RIC8B: variants seen among roughly 807,000 people sequenced by gnomAD.
RIC8B encodes RIC8 guanine nucleotide exchange factor B, also known as chaperone Ric-8B.
RIC8B carries 16 observed loss-of-function variants against 57.5 expected under a neutral mutation model. That is an observed-to-expected ratio of 0.28 (90% CI 0.19 to 0.42). RIC8B has a LOEUF of 0.42. RIC8B is among the 10% of genes least tolerant of loss of function. The pLI is 1.00. For missense variants in RIC8B, 481 were observed against 677.0 expected, an observed-to-expected ratio of 0.71 and a Z score of 3.21; for synonymous variants, 216 against 250.8, an observed-to-expected ratio of 0.86 and a Z score of 1.31.
At position 106,834,304 on chromosome 12, in the gene RIC8B, A is replaced by G. The variant is rs966291535; in HGVS notation, c.837-8285A>G. Among the ~76,000 whole-genome samples the G allele has an allele frequency of 2.6e-5, 4 of 152,176 alleles. No homozygotes were observed. The East Asian group carries it at 5.8e-4, about 22-fold the overall frequency. On this transcript the variant is annotated intron_variant, in intron 4 of 9. Coordinates refer to ENST00000392837, the MANE Select transcript of RIC8B (RefSeq NM_001330145.2). Reference sequence around the variant, plus strand: ...TGCCATTTTCTTATCCTTTGCTTATACTAATTATCTTCAATGTTGGTGTCT... The same window carrying G: ...TGCCATTTTCTTATCCTTTGCTTATGCTAATTATCTTCAATGTTGGTGTCT...
intron 1 of RIC8B, among the ~76,000 whole-genome samples, chr12:106,777,308 A>C (rs1411199609): frequency 6.6e-6 from 1 of 152,174 alleles, no homozygotes; most frequent in East Asian, 1.9e-4. Context: ...ATAGGAAGTG[A>C]ATGTATGATC....
intron 8 of RIC8B, among the ~76,000 whole-genome samples, chr12:106,866,767 T>G (rs901628459): frequency 6.6e-6 from 1 of 152,138 alleles, no homozygotes. Context: ...TAACTTCTTT[T>G]GAAAAAATGG....
chr12:106,784,185 G>A, intron 2 of RIC8B, 141 bp downstream of exon 2: 1 of 773,408 alleles, frequency 1.3e-6, no homozygotes, highest in Admixed American at 2.5e-5. Context: ...GGAACCCTGA[G>A]AAGAAAGGTT....
Position 106,853,453 on chromosome 12 carries a change from C to CTTTTTTTTTTTTTTTTTTTTT in RIC8B, c.1306+1872_1306+1892dup, listed in dbSNP as rs758876525. Among the ~76,000 whole-genome samples, 77 of 38,034 alleles carry CTTTTTTTTTTTTTTTTTTTTT rather than the reference C, an allele frequency of 2.0e-3. 29 individuals are homozygous for CTTTTTTTTTTTTTTTTTTTTT. The highest frequency in any genetic ancestry group is 2.7e-3 in the Non-Finnish European group (62 of 23,088). 25.0% of individuals were successfully genotyped at this position (38,034 alleles called of 152,430 possible). On this transcript the variant is annotated intron_variant, in intron 7 of 9. Transcript: ENST00000392837. ...GACCTCAACAATTCTGCTTTATAGT[C>CTTTTTTTTTTTTTTTTTTTTT]TTTTTTTTTTTTTTTTTTTTTTTTT...
In RIC8B at chr12:106,858,638, A is replaced by C. The variant is rs999633492; in HGVS notation, c.1307-1630A>C. Among the ~76,000 whole-genome samples, 3 of 152,130 alleles carry C rather than the reference A, an allele frequency of 2.0e-5. 1 individual carries two copies. The highest frequency in any genetic ancestry group is 4.4e-5 in the Non-Finnish European group (3 of 67,992). On this transcript the variant is annotated intron_variant, in intron 7 of 9. Coordinates refer to ENST00000392837, the MANE Select transcript of RIC8B (RefSeq NM_001330145.2). ...CATTCAATAATTCTAATAGGATTCT[A>C]TCCAGCACCCACTGAGAATTATTAC...
At position 106,792,413 on chromosome 12, in the gene RIC8B, G is replaced by C. The variant is rs548436233; in HGVS notation, c.132+8369G>C. Among the ~76,000 whole-genome samples the C allele has an allele frequency of 6.0e-4, 91 of 152,300 alleles. 1 individual carries two copies. The highest frequency in any genetic ancestry group is 7.1e-4 in the Non-Finnish European group (48 of 68,024). On this transcript the variant is annotated intron_variant, in intron 2 of 9. Coordinates refer to ENST00000392837, the MANE Select transcript of RIC8B (RefSeq NM_001330145.2). ...ATCACTTTTTAAGATTTCTGTCTGG[G>C]ATAATAAGAATACTATCTCTGATTT... is the stretch of plus-strand genomic sequence containing the variant.
chr12:106,871,481 AAAAAAAAAAAAAAAAAACC>A (rs1323161901), intron 9 of RIC8B: 4 of 139,974 alleles, frequency 2.9e-5, no homozygotes, highest in Non-Finnish European at 6.2e-5. Context: ...TAAAAAAAAA[AAAAAAAAAAAAAAAAAACC>A]AAAAAACTCC....
intron 9 of RIC8B, among the ~76,000 whole-genome samples, chr12:106,880,697 G>A (rs1950883433): frequency 6.6e-6 from 1 of 152,028 alleles, no homozygotes. Flanking sequence ...AATAACATGA[G>A]AATGATTCCT....
chr12:106,864,372 T>C (rs918578384), intron 8 of RIC8B, among the ~76,000 whole-genome samples: 40 of 152,164 alleles, frequency 2.6e-4, no homozygotes, highest in Non-Finnish European at 2.6e-4. Context: ...TCTCCACAAG[T>C]GGCTCCCTAA....
chr12:106,868,256 A>T (rs1301046726), intron 8 of RIC8B: 1 of 455,960 alleles, frequency 2.2e-6, no homozygotes, highest in Non-Finnish European at 4.4e-6. Context: ...TGCAAATGTC[A>T]TTATATCCTA....
chr12:106,781,122 A>T (rs1275535402), intron 1 of RIC8B, among the ~76,000 whole-genome samples: 1 of 150,564 alleles, frequency 6.6e-6, no homozygotes, highest in Non-Finnish European at 1.5e-5. Flanking sequence ...CAATGGTTTA[A>T]CTCTTTTTTT....
At chr12:106,798,581 T>A (rs535033255) in intron 2 of RIC8B, among the ~76,000 whole-genome samples, 2 of 152,152 alleles carry the variant, frequency 1.3e-5, no homozygotes, top group African/African-American at 4.8e-5. Context: ...CTGAATACTT[T>A]CGGTAATGGA....
chr12:106,786,172 C>T (rs1221298731), intron 2 of RIC8B, among the ~76,000 whole-genome samples: 4 of 104,898 alleles, frequency 3.8e-5, no homozygotes, highest in Admixed American at 1.3e-4. Flanking sequence ...TTTTTTGAGA[C>T]GGAGTCTTGC....
chr12:106,832,316 C>T (rs2136362176), intron 4 of RIC8B, among the ~76,000 whole-genome samples: 1 of 151,944 alleles, frequency 6.6e-6, no homozygotes, highest in South Asian at 2.1e-4. Flanking sequence ...GTATGTAATC[C>T]CAGCATTTTG....
At chr12:106,847,307 A>G (rs1054615973) in intron 6 of RIC8B, among the ~76,000 whole-genome samples, 1 of 152,184 alleles carries the variant, frequency 6.6e-6, no homozygotes, top group African/African-American at 2.4e-5. Context: ...TTTTGTTAAA[A>G]ATTTGTTTTA....
intron 2 of RIC8B, among the ~76,000 whole-genome samples, chr12:106,810,869 G>C (rs1480604947): frequency 2.0e-5 from 3 of 152,152 alleles, no homozygotes; most frequent in African/African-American, 7.2e-5. Flanking sequence ...GTTTGTACAT[G>C]CACGATCTCA....
intron 2 of RIC8B, among the ~76,000 whole-genome samples, chr12:106,795,013 A>AT (rs768218690): frequency 1.3e-5 from 2 of 152,226 alleles, no homozygotes; most frequent in Non-Finnish European, 2.9e-5. Flanking sequence ...ACAATGGTGA[A>AT]TGGGAGCAAA....
rs1192098257 is a variant in RIC8B at position 106,774,689 on chromosome 12, C to T, written c.-57C>T. The T allele has an allele frequency of 4.2e-6, 6 of 1,433,556 alleles. No individual in the cohort carries two copies. Among genetic ancestry groups the T allele is most frequent in the Non-Finnish European group, 4.8e-6 (5 of 1,043,992 alleles). 88.8% of individuals were successfully genotyped at this position (1,433,556 alleles called of 1,614,324 possible). A position where few individuals can be genotyped will look rare whatever the true frequency, so the allele number is the denominator to read the frequency against. On this transcript the variant is annotated 5_prime_UTR_variant, in exon 1 of 10. Coordinates refer to ENST00000392837, the MANE Select transcript of RIC8B (RefSeq NM_001330145.2). Reference sequence around the variant, plus strand: ...AGCGAGCGGGGGCGCGAGGCGTTTACCTGGAGGCAGCGGCTTGGGCGCGCA... The same window carrying T: ...AGCGAGCGGGGGCGCGAGGCGTTTATCTGGAGGCAGCGGCTTGGGCGCGCA...
Position 106,785,785 on chromosome 12 carries a change from G to GTCTCTCTCTCTCTCTCTCTCTC in RIC8B, c.132+1749_132+1770dup, listed in dbSNP as rs370138594. ...TGAGCTCCAGACATGTGTATTCTAT[G>GTCTCTCTCTCTCTCTCTCTCTC]TCTCTCTCTCTCTCTCTCTCTCTCT... On this transcript the variant is annotated intron_variant, in intron 2 of 9. Coordinates refer to ENST00000392837, the MANE Select transcript of RIC8B (RefSeq NM_001330145.2). Among the ~76,000 whole-genome samples the GTCTCTCTCTCTCTCTCTCTCTC allele has an allele frequency of 2.6e-3, 268 of 103,590 alleles. 1 individual carries two copies. Among genetic ancestry groups the GTCTCTCTCTCTCTCTCTCTCTC allele is most frequent in the African/African-American group, 3.5e-3 (92 of 26,232 alleles). 68.0% of individuals were successfully genotyped at this position (103,590 alleles called of 152,430 possible).
Sources: gnomAD v4.1 joint callset for allele counts (sites outside exome capture counted in the v4.1 genomes callset) on GRCh38, gnomAD v4.1.1 for gene constraint, MANE v1.5 for transcripts, NCBI Gene and HGNC (gene_info 2026-07-23, HGNC 2026-07-21) for gene names.